The following NYAP2 variants were observed in gnomAD, a reference collection of about 807,000 sequenced individuals.
NYAP2 encodes the protein neuronal tyrosine-phosphorylated phosphoinositide-3-kinase adapter 2.
NYAP2 carries 23 observed loss-of-function variants against 50.4 expected under a neutral mutation model. That is an observed-to-expected ratio of 0.46 (90% CI 0.33 to 0.65). The LOEUF is 0.65. Among genes scored for constraint, NYAP2 ranks in the 30% least tolerant of loss-of-function variants. NYAP2 has a pLI of 0.02. For synonymous variants in NYAP2, 394 were observed against 365.2 expected (o/e 1.08, Z -0.90); for missense variants, 885 against 861.0 (o/e 1.03, Z -0.35).
At chr2:225,455,996 A>T (rs1359301291) in intron 3 of NYAP2, among the ~76,000 whole-genome samples, 1 of 152,246 alleles carries the variant, frequency 6.6e-6, no homozygotes, top group Admixed American at 6.5e-5. Context: ...TTCTAGAGGC[A>T]CTGGTCCATA....
rs867957947 is a variant in NYAP2, at chr2:225,400,564, A to G, written c.-497A>G. The G allele has an allele frequency of 3.3e-5, 5 of 152,190 alleles. No homozygotes were observed. The Middle Eastern group carries it at 0.017, about 518-fold the overall frequency. The allele number at this position is 152,190 out of a possible 1,614,324, so 9.4% of individuals were successfully genotyped here. ...TCATTTATTTTTGTCTTCGCAGAAT[A>G]TAATCAAATGAGGTACATTAGCCAG... On this transcript the variant is annotated 5_prime_UTR_variant, in exon 2 of 7. The change creates a new upstream start codon in the 5' untranslated region. Transcript: ENST00000636099.
intron 3 of NYAP2, among the ~76,000 whole-genome samples, chr2:225,500,837 G>A (rs1023573492): frequency 3.3e-5 from 5 of 152,270 alleles, no homozygotes; most frequent in African/African-American, 1.2e-4. Flanking sequence ...TTTCTGGTAT[G>A]AAATTTCATG....
intron 3 of NYAP2, among the ~76,000 whole-genome samples, chr2:225,469,370 G>A (rs1689975996): frequency 6.6e-6 from 1 of 152,164 alleles, no homozygotes; most frequent in Admixed American, 6.5e-5. Context: ...ACCAACAGAT[G>A]CTGGAGAGGA....
intron 5 of NYAP2, among the ~76,000 whole-genome samples, chr2:225,583,346 C>A (rs1692333772): frequency 6.6e-6 from 1 of 151,996 alleles, no homozygotes; most frequent in Non-Finnish European, 1.5e-5. Flanking sequence ...AAAATAGGGA[C>A]CACTATGGAA....
chr2:225,512,824 TC>T lies in NYAP2; in HGVS notation c.222-546del, dbSNP rs1432235090. Among the ~76,000 whole-genome samples, 341 of 53,166 alleles carry T rather than the reference TC, an allele frequency of 6.4e-3. 15 individuals are homozygous for T. Among genetic ancestry groups the T allele is most frequent in the African/African-American group, 0.031 (315 of 10,040 alleles). 34.9% of individuals were successfully genotyped at this position (53,166 alleles called of 152,430 possible). A position where few individuals can be genotyped will look rare whatever the true frequency, so the allele number is the denominator to read the frequency against. ...CCTCTCTTTCTTTTCTTTCTTTCTC[TC>T]TCTCTCTCTCTCTTTCTTTCTTTCT... On this transcript the variant is annotated intron_variant, in intron 3 of 6. Transcript: ENST00000636099.
intron 3 of NYAP2, among the ~76,000 whole-genome samples, chr2:225,459,643 TTTTA>T (rs1689793061): frequency 1.3e-5 from 2 of 151,826 alleles, no homozygotes; most frequent in African/African-American, 4.8e-5. Flanking sequence ...TATTTATTTA[TTTTA>T]TTTATTTATT....
chr2:225,461,088 C>T (rs1031108830), intron 3 of NYAP2, among the ~76,000 whole-genome samples: 1 of 151,526 alleles, frequency 6.6e-6, no homozygotes, highest in Non-Finnish European at 1.5e-5. Flanking sequence ...ATAAACTCTA[C>T]CAGAATTGTT....
In NYAP2 at chr2:225,455,746, T is replaced by C. The variant is rs75159734; in HGVS notation, c.221+46645T>C. Among the ~76,000 whole-genome samples, 1,031 of 152,344 alleles carry C rather than the reference T, an allele frequency of 6.8e-3. 12 individuals carry two copies. Among genetic ancestry groups the C allele is most frequent in the African/African-American group, 0.023 (963 of 41,568 alleles). ...AAAATATTGGAAAATTGTAGGGTTC[T>C]CTCACACATATCTTTCAGTCTCCAG... is the stretch of plus-strand genomic sequence containing the variant. On this transcript the variant is annotated intron_variant, in intron 3 of 6. Coordinates refer to ENST00000636099, the Ensembl canonical transcript of NYAP2.
At chr2:225,614,438 A>T (rs920976810) in intron 5 of NYAP2, among the ~76,000 whole-genome samples, 11 of 152,210 alleles carry the variant, frequency 7.2e-5, no homozygotes, top group Non-Finnish European at 1.6e-4. Context: ...TGTTCAAATG[A>T]ATGATCATTC....
At chr2:225,565,529 G>C (rs969470685) in intron 4 of NYAP2, among the ~76,000 whole-genome samples, 1 of 152,086 alleles carries the variant, frequency 6.6e-6, no homozygotes. Flanking sequence ...TTTGGTATTG[G>C]CAGCATTAAT....
At chr2:225,634,989 A>G (rs1241843747) in intron 6 of NYAP2, among the ~76,000 whole-genome samples, 1 of 152,334 alleles carries the variant, frequency 6.6e-6, no homozygotes, top group African/African-American at 2.4e-5. Context: ...GATTTATAAG[A>G]AAGATGATTT....
the NYAP2 span, among the ~76,000 whole-genome samples, chr2:225,672,908 A>C: frequency 6.6e-6 from 1 of 152,036 alleles, no homozygotes; most frequent in African/African-American, 2.4e-5. Flanking sequence ...TGGTGCCCCC[A>C]AGCAATTACA....
intron 5 of NYAP2, among the ~76,000 whole-genome samples, chr2:225,587,515 G>T (rs1692409491): frequency 6.6e-6 from 1 of 152,110 alleles, no homozygotes; most frequent in South Asian, 2.1e-4. Context: ...GTCTTTACTG[G>T]AGATGTTTAA....
At chr2:225,512,852 T>TCTTTCTTTCTTTCTTTCTTC (rs1690852431) in intron 3 of NYAP2, among the ~76,000 whole-genome samples, 2 of 123,676 alleles carry the variant, frequency 1.6e-5, no homozygotes, top group Admixed American at 8.5e-5. Context: ...TTTCTTTCTT[T>TCTTTCTTTCTTTCTTTCTTC]CTTCCTTCCT....
intron 2 of NYAP2, among the ~76,000 whole-genome samples, chr2:225,407,296 CAA>C (rs1694957679): frequency 6.6e-6 from 1 of 151,990 alleles, no homozygotes; most frequent in Non-Finnish European, 1.5e-5. Flanking sequence ...TAGTAAAATA[CAA>C]TTCAATTACA....
At chr2:225,528,713 T>C (rs747855474) in intron 4 of NYAP2, among the ~76,000 whole-genome samples, 6 of 152,210 alleles carry the variant, frequency 3.9e-5, no homozygotes, top group Admixed American at 6.5e-5. Context: ...GTGTTCTTGA[T>C]ACAGCAAACC....
chr2:225,656,895 C>T (rs1693838425), downstream of NYAP2, among the ~76,000 whole-genome samples: 1 of 152,076 alleles, frequency 6.6e-6, no homozygotes, highest in Non-Finnish European at 1.5e-5. Flanking sequence ...TTCAAAAAAT[C>T]TTTTCTCAAA....
rs758561791 is a variant in NYAP2, at chr2:225,582,149, G to A, written c.732G>A (p.Val244=). ...GAGACCCCGAGGAAGAGGAGCCCGTGTACATCGAGATGGTGGGGAACATTC... is the reference window on the plus strand; with the variant it reads ...GAGACCCCGAGGAAGAGGAGCCCGTATACATCGAGATGGTGGGGAACATTC... Residue 244 remains valine (V), a synonymous_variant, in exon 5 of 7, where the codon GTG becomes GTA. Transcript: ENST00000636099. The surrounding 1 kb of genome is among the most constrained non-coding windows in gnomAD (Gnocchi z 7.0). 7 of 1,614,014 alleles carry A rather than the reference G, an allele frequency of 4.3e-6. No individual in the cohort carries two copies. The Admixed American group carries it at 5.0e-5, about 12-fold the overall frequency.
At chr2:225,696,776 C>T in the NYAP2 span, among the ~76,000 whole-genome samples, 1 of 151,906 alleles carries the variant, frequency 6.6e-6, no homozygotes, top group Non-Finnish European at 1.5e-5. Context: ...TGGGCATAAA[C>T]TCTTGGGTTC....
Sources: gnomAD v4.1 joint callset for allele counts (sites outside exome capture counted in the v4.1 genomes callset) on GRCh38, gnomAD v4.1.1 for gene constraint, Gnocchi (gnomAD v3.1) non-coding constraint, MANE v1.5 for transcripts, NCBI Gene and HGNC (gene_info 2026-07-23, HGNC 2026-07-21) for gene names.